The following PDZRN4 variants were observed in gnomAD, a reference collection of about 807,000 sequenced individuals.
PDZRN4 encodes the protein PDZ domain containing ring finger 4.
Under a neutral mutation model 99.0 loss-of-function variants are expected in PDZRN4, and 70 were observed. The observed-to-expected ratio is 0.71, with a 90% confidence interval of 0.58 to 0.86. The LOEUF is 0.86. PDZRN4 is among the 40% of genes least tolerant of loss of function. The probability of loss-of-function intolerance (pLI) is 0.00; values close to 1 mark genes in which losing one functional copy is unlikely to be tolerated. For synonymous variants in PDZRN4, 551 were observed against 501.6 expected (o/e 1.10, Z -1.32); for missense variants, 1,474 against 1,331.2 (o/e 1.11, Z -1.67).
intron 3 of PDZRN4, among the ~76,000 whole-genome samples, chr12:41,245,041 C>T (rs554353489): frequency 6.6e-6 from 1 of 152,250 alleles, no homozygotes; most frequent in Admixed American, 6.5e-5. Context: ...CCAATGGCAC[C>T]TTATCAGGGA....
chr12:41,295,848 T>G (rs1951489655), intron 3 of PDZRN4, among the ~76,000 whole-genome samples: 1 of 152,172 alleles, frequency 6.6e-6, no homozygotes, highest in Non-Finnish European at 1.5e-5. Flanking sequence ...ATGGATGCTT[T>G]GCAAAAAGTT....
chr12:41,340,024 T>C (rs1224270865), intron 3 of PDZRN4, among the ~76,000 whole-genome samples: 2 of 152,018 alleles, frequency 1.3e-5, no homozygotes, highest in African/African-American at 4.8e-5. Context: ...TGAAAGTTCC[T>C]CAAAAAACTA....
At chr12:41,540,953 C>G (rs1938842233) in intron 5 of PDZRN4, among the ~76,000 whole-genome samples, 1 of 151,428 alleles carries the variant, frequency 6.6e-6, no homozygotes, top group South Asian at 2.1e-4. Context: ...GAGACGGAGT[C>G]TCACTCTGTC....
At chr12:41,193,837 T>A (rs1162534659) in intron 2 of PDZRN4, among the ~76,000 whole-genome samples, 2 of 152,178 alleles carry the variant, frequency 1.3e-5, no homozygotes, top group Non-Finnish European at 2.9e-5. Context: ...ATAGCTTTTT[T>A]ATGTGAACTC....
Position 41,317,022 on chromosome 12 carries a change from C to G in PDZRN4, c.843+122834C>G, listed in dbSNP as rs192932662. 6.0e-3 allele frequency among the ~76,000 whole-genome samples: 465 copies of G among 76,894 alleles called. 10 individuals carry two copies. The highest frequency in any genetic ancestry group is 0.015 in the African/African-American group (450 of 30,072). 50.4% of individuals were successfully genotyped at this position (76,894 alleles called of 152,430 possible). On this transcript the variant is annotated intron_variant, in intron 3 of 9. Coordinates refer to ENST00000402685, the MANE Select transcript of PDZRN4 (RefSeq NM_001164595.2). The stretch of plus-strand genomic sequence containing the variant: ...AGTAAGGGGGTGTTATATTAGAGTT[C>G]TCCAGAGAATCATAACTTACATAAA...
chr12:41,207,798 T>C (rs1249713307), intron 3 of PDZRN4, among the ~76,000 whole-genome samples: 1 of 151,840 alleles, frequency 6.6e-6, no homozygotes, highest in Non-Finnish European at 1.5e-5. Context: ...ATAAACTTCA[T>C]TATGTCTGAA....
intron 3 of PDZRN4, among the ~76,000 whole-genome samples, chr12:41,292,219 A>T (rs1951460950): frequency 6.6e-6 from 1 of 152,242 alleles, no homozygotes; most frequent in Admixed American, 6.5e-5. Flanking sequence ...GAAGAACAAC[A>T]GGTTTAAGCA....
intron 3 of PDZRN4, among the ~76,000 whole-genome samples, chr12:41,456,882 G>C (rs1952820781): frequency 6.6e-6 from 1 of 152,164 alleles, no homozygotes; most frequent in South Asian, 2.1e-4. Context: ...AAAGGGCTTA[G>C]AGTTATTACT....
At chr12:41,502,079 C>G (rs993318900) in intron 3 of PDZRN4, among the ~76,000 whole-genome samples, 1 of 151,948 alleles carries the variant, frequency 6.6e-6, no homozygotes, top group Non-Finnish European at 1.5e-5. Context: ...TCTTTTTTTG[C>G]TGTTGCCAAT....
chr12:41,191,822 G>C (rs1157083320), intron 2 of PDZRN4, among the ~76,000 whole-genome samples: 2 of 151,524 alleles, frequency 1.3e-5, no homozygotes, highest in African/African-American at 4.8e-5. Context: ...TTGCTCTGTT[G>C]CCCAGGCTAG....
chr12:41,353,863 G>C (rs1266933835), intron 3 of PDZRN4, among the ~76,000 whole-genome samples: 1 of 152,202 alleles, frequency 6.6e-6, no homozygotes, highest in East Asian at 1.9e-4. Flanking sequence ...CAAGAGTTTA[G>C]GATGAGATTA....
At chr12:41,362,292 T>C (rs1951969133) in intron 3 of PDZRN4, among the ~76,000 whole-genome samples, 1 of 151,308 alleles carries the variant, frequency 6.6e-6, no homozygotes, top group African/African-American at 2.4e-5. Context: ...TTTGCCTGGA[T>C]TTTTTTTATA....
At chr12:41,420,445 T>G (rs1483015528) in intron 3 of PDZRN4, among the ~76,000 whole-genome samples, 1 of 152,162 alleles carries the variant, frequency 6.6e-6, no homozygotes, top group African/African-American at 2.4e-5. Flanking sequence ...GGTTTTTGTC[T>G]GCTGCCTCCA....
At chr12:41,569,506 C>T (rs1227854046) in intron 9 of PDZRN4, among the ~76,000 whole-genome samples, 2 of 152,150 alleles carry the variant, frequency 1.3e-5, no homozygotes, top group African/African-American at 2.4e-5. Context: ...CCACCAGCCT[C>T]AGCCTCCTAA....
chr12:41,555,104 A>G (rs1222035956), intron 6 of PDZRN4, among the ~76,000 whole-genome samples: 1 of 149,882 alleles, frequency 6.7e-6, no homozygotes, highest in Non-Finnish European at 1.5e-5. Context: ...GGTGGCAGGC[A>G]TCTGTAGTCA....
At chr12:41,241,230 C>G (rs1376064134) in intron 3 of PDZRN4, among the ~76,000 whole-genome samples, 1 of 152,072 alleles carries the variant, frequency 6.6e-6, no homozygotes, top group Non-Finnish European at 1.5e-5. Flanking sequence ...GAGTATTTTG[C>G]TGGTGCTCAC....
At chr12:41,285,815 C>T (rs1206739787) in intron 3 of PDZRN4, among the ~76,000 whole-genome samples, 1 of 150,938 alleles carries the variant, frequency 6.6e-6, no homozygotes, top group Non-Finnish European at 1.5e-5. Flanking sequence ...AACATATGGG[C>T]ACAAGGAGGG....
At chr12:41,537,115 T>C (rs1431009393) in intron 5 of PDZRN4, among the ~76,000 whole-genome samples, 1 of 152,186 alleles carries the variant, frequency 6.6e-6, no homozygotes, top group African/African-American at 2.4e-5. Flanking sequence ...CTGAGCATAG[T>C]ATAGGGCCTT....
At chr12:41,215,150 C>A (rs1950912531) in intron 3 of PDZRN4, among the ~76,000 whole-genome samples, 1 of 152,024 alleles carries the variant, frequency 6.6e-6, no homozygotes, top group Non-Finnish European at 1.5e-5. Flanking sequence ...TCACCAATTA[C>A]CTGGCTTGAA....
Sources: allele counts gnomAD v4.1 joint callset (sites outside exome capture counted in the v4.1 genomes callset), GRCh38; gene constraint gnomAD v4.1.1; transcripts MANE v1.5; gene names NCBI Gene and HGNC (gene_info 2026-07-23, HGNC 2026-07-21).